The following LGALS3 variants were observed in gnomAD, a reference collection of about 807,000 sequenced individuals.
LGALS3 encodes galectin-3.
LGALS3 carries 18 observed loss-of-function variants against 20.7 expected under a neutral mutation model. The observed-to-expected ratio is 0.87, with a 90% CI of 0.60 to 1.29. The LOEUF (loss-of-function observed/expected upper bound fraction) is 1.29, where lower values mean the gene tolerates loss of function less well. Among genes scored for constraint, LGALS3 ranks in the 50% most tolerant of loss-of-function variants. LGALS3 has a pLI of 0.00. For missense variants in LGALS3, 315 were observed against 314.7 expected (o/e 1.00, Z -0.01); for synonymous variants, 112 against 119.6 (o/e 0.94, Z 0.42).
At chr14:55,135,560 GT>G (rs762172869) in intron 1 of LGALS3, among the ~76,000 whole-genome samples, 5,640 of 106,518 alleles carry the variant, frequency 0.053, 212 homozygotes, top group African/African-American at 0.16. Context: ...ATATTTTATG[GT>G]TTTTTTTTTT....
chr14:55,143,195 C>A (rs868573010), intron 5 of LGALS3, among the ~76,000 whole-genome samples: 1 of 152,166 alleles, frequency 6.6e-6, no homozygotes, highest in African/African-American at 2.4e-5. Flanking sequence ...CTTCCCCCAT[C>A]CTCACAAAGT....
intron 1 of LGALS3, among the ~76,000 whole-genome samples, chr14:55,130,371 A>T (rs1376333520): frequency 6.6e-6 from 1 of 152,036 alleles, no homozygotes; most frequent in Non-Finnish European, 1.5e-5. Context: ...GACTCTGGGA[A>T]TTGGGTTGCT....
At chr14:55,144,461 C>T (rs1195343615) in intron 5 of LGALS3, among the ~76,000 whole-genome samples, 1 of 150,826 alleles carries the variant, frequency 6.6e-6, no homozygotes, top group East Asian at 2.0e-4. Context: ...AGTTTTTATG[C>T]AGGCAAATCT....
At chr14:55,137,110 G>T in intron 1 of LGALS3, 1 of 564,266 alleles carries the variant, frequency 1.8e-6, no homozygotes, top group African/African-American at 1.9e-5. Context: ...GCAGTTAGTG[G>T]GGACAGAGGG....
At chr14:55,140,411 T>C (rs1334880617) in intron 4 of LGALS3, 48 bp downstream of exon 4, 1 of 1,238,306 alleles carries the variant, frequency 8.1e-7, no homozygotes, top group Admixed American at 2.0e-5. Flanking sequence ...AGATTGGTTT[T>C]TGAATAAAGA....
intron 1 of LGALS3, among the ~76,000 whole-genome samples, chr14:55,130,191 T>C (rs1354069469): frequency 1.3e-5 from 2 of 152,198 alleles, no homozygotes; most frequent in African/African-American, 4.8e-5. Context: ...TGAGAGTTTA[T>C]TCTGAATTAT....
chr14:55,136,987 G>A (rs1881417045), intron 1 of LGALS3, among the ~76,000 whole-genome samples: 1 of 152,196 alleles, frequency 6.6e-6, no homozygotes, highest in Non-Finnish European at 1.5e-5. Flanking sequence ...ATAAGTGTGT[G>A]CAAATAGAGG....
chr14:55,140,802 A>G (rs919108034), intron 4 of LGALS3, among the ~76,000 whole-genome samples: 2 of 152,184 alleles, frequency 1.3e-5, no homozygotes, highest in East Asian at 3.8e-4. Context: ...TAAAAACTTC[A>G]TCATTATAAA....
chr14:55,136,661 A>G (rs1394498139), intron 1 of LGALS3, among the ~76,000 whole-genome samples: 1 of 152,184 alleles, frequency 6.6e-6, no homozygotes, highest in Non-Finnish European at 1.5e-5. Flanking sequence ...TTGTGTTACA[A>G]ACAATCCAGT....
At chr14:55,137,707 C>A in intron 2 of LGALS3, 1 of 1,355,644 alleles carries the variant, frequency 7.4e-7, no homozygotes, top group Non-Finnish European at 9.5e-7. Context: ...ACAGTCTGGG[C>A]ATTCTGATGT....
intron 1 of LGALS3, among the ~76,000 whole-genome samples, chr14:55,131,522 T>C (rs750215854): frequency 6.6e-6 from 1 of 152,226 alleles, no homozygotes; most frequent in Non-Finnish European, 1.5e-5. Context: ...TGTAAACTTA[T>C]GTACTTGATA....
chr14:55,140,458 T>G, intron 4 of LGALS3, 95 bp downstream of exon 4: 1 of 698,160 alleles, frequency 1.4e-6, no homozygotes, highest in Non-Finnish European at 2.4e-6. Flanking sequence ...TGTCTTACAG[T>G]GCTATTTTGA....
Position 55,138,363 on chromosome 14 carries a change from C to A in LGALS3, c.337C>A (p.Pro113Thr). ...ATGPYGAPAG[P>T]LIVPYNLPLP... ...TGGCCCCTATGGCGCCCCTGCTGGG[C>A]CACTGGTGAGATGGCATTCCTTCTT... Residue 113 changes from proline (P) to threonine (T), a missense_variant, in exon 3 of 6, where the codon CCA becomes ACA. Pro to Thr is a conservative substitution (Grantham distance 38). Coordinates refer to ENST00000254301, the MANE Select transcript of LGALS3 (RefSeq NM_002306.4). The A allele has an allele frequency of 6.2e-7, 1 of 1,612,858 alleles. No individual in the cohort carries two copies. Among genetic ancestry groups the A allele is most frequent in the Non-Finnish European group, 8.5e-7 (1 of 1,179,940 alleles).
rs965193143 is a variant in LGALS3 at position 55,129,267 on chromosome 14, T to C, written c.-38T>C. ...CCCCGCCGGCGCCCGCAGCACCTCC[T>C]CGCCAGCAGCCGTCCGGAGCCAGCC... On this transcript the variant is annotated 5_prime_UTR_variant, in exon 1 of 6. Coordinates refer to ENST00000254301, the MANE Select transcript of LGALS3 (RefSeq NM_002306.4). The surrounding 1 kb of genome is among the most constrained non-coding windows in gnomAD (Gnocchi z 5.3). 3 of 151,674 alleles carry C rather than the reference T, an allele frequency of 2.0e-5. No individual in the cohort carries two copies. Among genetic ancestry groups the C allele is most frequent in the Non-Finnish European group, 2.9e-5 (2 of 67,924 alleles). The allele number at this position is 151,674 out of a possible 1,614,324, so 9.4% of individuals were successfully genotyped here.
intron 3 of LGALS3, among the ~76,000 whole-genome samples, chr14:55,139,606 A>G (rs1450940361): frequency 6.6e-6 from 1 of 152,220 alleles, no homozygotes; most frequent in Non-Finnish European, 1.5e-5. Flanking sequence ...ATCCTCAACA[A>G]CTGAGACTCG....
intron 2 of LGALS3, chr14:55,137,724 T>C (rs1311206554): frequency 2.2e-6 from 3 of 1,340,920 alleles, no homozygotes; most frequent in Non-Finnish European, 2.9e-6. Flanking sequence ...ATGTTTGTGA[T>C]TGTTTTTCTC....
intron 1 of LGALS3, among the ~76,000 whole-genome samples, chr14:55,133,576 C>T (rs1405298196): frequency 6.6e-6 from 1 of 152,102 alleles, no homozygotes; most frequent in Non-Finnish European, 1.5e-5. Context: ...GTCATTATAA[C>T]TAAAATAGAT....
In LGALS3 at chr14:55,145,033, A is replaced by T. The variant is rs541523903; in HGVS notation, c.598-83A>T. On this transcript the variant is annotated intron_variant, in intron 5 of 5. Transcript: ENST00000254301. The stretch of plus-strand genomic sequence containing the variant: ...AAAAATTGTTTCTATAGTGCAGATG[A>T]AATATGTATATATTGTGGAATGCCT... 6.5e-5 allele frequency: 71 copies of T among 1,100,670 alleles called. No homozygotes were observed. The African/African-American group carries it at 8.8e-4, about 14-fold the overall frequency. The allele number at this position is 1,100,670 out of a possible 1,614,324, so 68.2% of individuals were successfully genotyped here. A position where few individuals can be genotyped will look rare whatever the true frequency, so the allele number is the denominator to read the frequency against.
chr14:55,143,524 C>A (rs6573005), intron 5 of LGALS3: 121,872 of 273,492 alleles, frequency 0.45, 28,908 homozygotes, highest in African/African-American at 0.66. Context: ...TGGGTTCAAG[C>A]GATGCTCCTG....
Sources: allele counts gnomAD v4.1 joint callset (sites outside exome capture counted in the v4.1 genomes callset), GRCh38; gene constraint gnomAD v4.1.1; non-coding constraint Gnocchi (gnomAD v3.1); transcripts MANE v1.5; gene names NCBI Gene and HGNC (gene_info 2026-07-23, HGNC 2026-07-21).